TRPM8: variants seen among roughly 807,000 people sequenced by gnomAD.
TRPM8 encodes TRPM8 cationic channel.
A neutral mutation model predicts 133.7 loss-of-function variants in TRPM8; 110 were observed. The ratio of observed to expected loss-of-function variants is 0.82; its 90% CI spans 0.70 to 0.96. The LOEUF (loss-of-function observed/expected upper bound fraction) is 0.96. Ranked by LOEUF, TRPM8 falls within the 40% of genes least tolerant of loss-of-function variation. The pLI is 0.00. For synonymous variants in TRPM8, 535 were observed against 532.3 expected (o/e 1.01, Z -0.07); for missense variants, 1,291 against 1,379.5 (o/e 0.94, Z 1.02).
rs897159839 is a variant in TRPM8 at position 233,996,435 on chromosome 2, G to A, written c.3049G>A (p.Val1017Ile). ...CCTCAATATCCCCTTCCCCTTCATC[G>A]TCTTCGCTTACTTCTACATGGTGGT... ...SRLNIPFPFI[V>I]FAYFYMVVKK... Residue 1017 changes from valine (V) to isoleucine (I), a missense_variant, in exon 22 of 26, where the codon GTC becomes ATC. By Grantham distance (29) the Val-to-Ile change is conservative. Coordinates refer to ENST00000324695, the MANE Select transcript of TRPM8 (RefSeq NM_024080.5). The A allele has an allele frequency of 2.5e-6, 4 of 1,614,106 alleles. No homozygotes were observed. The highest frequency in any genetic ancestry group is 2.5e-6 in the Non-Finnish European group (3 of 1,180,026).
intron 22 of TRPM8, among the ~76,000 whole-genome samples, chr2:233,999,764 G>A (rs1393352719): frequency 2.6e-5 from 4 of 152,186 alleles, no homozygotes; most frequent in Admixed American, 6.5e-5. Context: ...GCAGTCCCAC[G>A]TTATCTTTGA....
Position 233,989,268 on chromosome 2 carries a change from G to A in TRPM8, c.2939+3403G>A, listed in dbSNP as rs1396443374. ...CCTCGTCTGTCACTTTCAGGTGAAGGAGATGAAGTCCCAGCAGCTCAGCGT... is the reference window on the plus strand; with the variant it reads ...CCTCGTCTGTCACTTTCAGGTGAAGAAGATGAAGTCCCAGCAGCTCAGCGT... On this transcript the variant is annotated intron_variant, in intron 21 of 25. Transcript: ENST00000324695. The surrounding 1 kb of genome is among the most constrained non-coding windows in gnomAD (Gnocchi z 4.2). Among the ~76,000 whole-genome samples, 1 of 152,178 alleles carries A rather than the reference G, an allele frequency of 6.6e-6. No homozygotes were observed. The highest frequency in any genetic ancestry group is 1.5e-5 in the Non-Finnish European group (1 of 68,028).
At chr2:233,988,235 G>A (rs1456269169) in intron 21 of TRPM8, among the ~76,000 whole-genome samples, 1 of 151,978 alleles carries the variant, frequency 6.6e-6, no homozygotes, top group African/African-American at 2.4e-5. Context: ...CTTGTCCTCT[G>A]TCTGGATTGC....
At chr2:233,996,285 T>C (rs763847231) in intron 21 of TRPM8, 41 bp from the exon 22 acceptor site, 19 of 1,588,892 alleles carry the variant, frequency 1.2e-5, no homozygotes, top group Middle Eastern at 1.8e-4. Flanking sequence ...CGATGAGGCA[T>C]GCGCAATGCT....
chr2:233,943,030 C>A, intron 6 of TRPM8: 17 of 426,006 alleles, frequency 4.0e-5, no homozygotes, highest in Non-Finnish European at 4.7e-5. Context: ...CTATGGCTTA[C>A]ATCCATCTCA....
At chr2:233,970,154 C>T (rs982155003) in intron 16 of TRPM8, 56 bp from the exon 17 acceptor site, 6 of 1,448,642 alleles carry the variant, frequency 4.1e-6, no homozygotes, top group Non-Finnish European at 5.8e-6. Context: ...GAGGGGAGGG[C>T]TGTGCCCGTC....
chr2:233,937,544 A>G (rs749028242), intron 4 of TRPM8, 35 bp downstream of exon 4: 3 of 1,593,074 alleles, frequency 1.9e-6, no homozygotes, highest in Non-Finnish European at 2.6e-6. Flanking sequence ...CAGCTAATTC[A>G]TAGGCCAAAG....
rs1048183938 is a variant in TRPM8, at chr2:234,018,840, G to A, written c.*1584G>A. 1.2e-4 allele frequency: 9 copies of A among 72,452 alleles called. No homozygotes were observed. The highest frequency in any genetic ancestry group is 8.1e-5 in the African/African-American group (1 of 12,308). 4.5% of individuals were successfully genotyped at this position (72,452 alleles called of 1,614,324 possible). The stretch of plus-strand genomic sequence containing the variant: ...AGCCGGGGTGACAGAGTGAGACTCC[G>A]ACTGAAAATAAATAAATAAATAAAT... On this transcript the variant is annotated 3_prime_UTR_variant, in exon 26 of 26. Coordinates refer to ENST00000324695, the MANE Select transcript of TRPM8 (RefSeq NM_024080.5).
chr2:233,961,045 C>T lies in TRPM8; in HGVS notation c.1632C>T (p.Asp544=), dbSNP rs142882642. Reference sequence around the variant, plus strand: ...GGAAGGAAGACAGAAATGGCCGGGACGAGATGGACATAGAACTCCACGTAG... The same window carrying T: ...GGAAGGAAGACAGAAATGGCCGGGATGAGATGGACATAGAACTCCACGTAG... ...GFRKEDRNGR[D]EMDIELHDVS... The change falls in exon 12 of 26, where the codon GAC becomes GAT. Residue 544 remains aspartate (D), a synonymous_variant. Transcript: ENST00000324695. 5.3e-5 allele frequency: 86 copies of T among 1,614,016 alleles called. No homozygotes were observed. Among genetic ancestry groups the T allele is most frequent in the Admixed American group, 2.3e-4 (14 of 60,022 alleles).
At chr2:234,014,075 T>A (rs1487537125) in intron 24 of TRPM8, among the ~76,000 whole-genome samples, 1 of 152,190 alleles carries the variant, frequency 6.6e-6, no homozygotes, top group Admixed American at 6.5e-5. Context: ...AATTTCATTA[T>A]GCCTCTTACT....
At chr2:233,983,018 G>C (rs200781961) in intron 19 of TRPM8, 35 bp from the exon 20 acceptor site, 9 of 1,590,982 alleles carry the variant, frequency 5.7e-6, no homozygotes, top group East Asian at 2.3e-5. Flanking sequence ...CTGTGGGCAC[G>C]GTCCTGACTC....
chr2:233,955,751 C>G (rs944466233), intron 11 of TRPM8, among the ~76,000 whole-genome samples: 2 of 152,184 alleles, frequency 1.3e-5, no homozygotes, highest in Admixed American at 1.3e-4. Context: ...CAGTGAACGT[C>G]TTAGAGCAGG....
At chr2:233,925,839 G>A (rs1691503427) in intron 1 of TRPM8, among the ~76,000 whole-genome samples, 1 of 152,138 alleles carries the variant, frequency 6.6e-6, no homozygotes, top group Admixed American at 6.5e-5. Context: ...GACTTTGGGA[G>A]ACGAGGGGAG....
At chr2:234,008,019 C>G (rs1022836381) in intron 23 of TRPM8, 51 bp from the exon 24 acceptor site, 5 of 1,583,274 alleles carry the variant, frequency 3.2e-6, no homozygotes, top group Admixed American at 1.8e-5. Flanking sequence ...ATAGCCCTCT[C>G]TCAATCTGTT....
rs1159158616 is a variant in TRPM8, at chr2:233,960,777, C to T, written c.1364C>T (p.Ser455Phe). Reference protein sequence around the residue: ...EIFTNDRRWESADLQEVMFTA... With the variant: ...EIFTNDRRWEFADLQEVMFTA... ...ACTGTCTCTGTTCTTTCTCCTTAGTCTGCTGACCTTCAAGAAGTCATGTTT... is the reference window on the plus strand; with the variant it reads ...ACTGTCTCTGTTCTTTCTCCTTAGTTTGCTGACCTTCAAGAAGTCATGTTT... The change falls in exon 12 of 26, where the codon TCT (serine) becomes TTT (phenylalanine). Residue 455 changes from serine (S) to phenylalanine (F), a missense_variant and splice_region_variant. By Grantham distance (155) the Ser-to-Phe change is radical. Transcript: ENST00000324695. The T allele has an allele frequency of 6.2e-7, 1 of 1,613,504 alleles. No individual in the cohort carries two copies. The highest frequency in any genetic ancestry group is 8.5e-7 in the Non-Finnish European group (1 of 1,179,520).
chr2:233,999,357 C>A (rs1400991761), intron 22 of TRPM8, among the ~76,000 whole-genome samples: 1 of 151,108 alleles, frequency 6.6e-6, no homozygotes, highest in Non-Finnish European at 1.5e-5. Context: ...CTGCAAGGCC[C>A]CTGAGGCTGT....
chr2:234,014,744 T>A, intron 25 of TRPM8, 90 bp downstream of exon 25: 1 of 508,042 alleles, frequency 2.0e-6, no homozygotes, highest in Non-Finnish European at 3.4e-6. Flanking sequence ...TCAGTTATTT[T>A]ATTTCCATAA....
chr2:233,942,649 C>T lies in TRPM8; in HGVS notation c.600C>T (p.Thr200=). The T allele has an allele frequency of 6.2e-7, 1 of 1,614,178 alleles. No homozygotes were observed. Residue 200 remains threonine, a synonymous_variant, in exon 6 of 26, where the codon ACC becomes ACT. Coordinates refer to ENST00000324695, the MANE Select transcript of TRPM8 (RefSeq NM_024080.5). The part of the protein sequence containing the change: ...KYIGEVVRDN[T]ISRSSEENIV... ...TCGGGGAGGTGGTGAGAGATAACAC[C>T]ATCAGCAGGAGTTCAGAGGAGAATA...
At chr2:233,967,276 AG>A (rs1311708088) in intron 15 of TRPM8, among the ~76,000 whole-genome samples, 6 of 152,218 alleles carry the variant, frequency 3.9e-5, no homozygotes, top group Admixed American at 1.3e-4. Flanking sequence ...AGCTGTCTAG[AG>A]GCTTTCTGCA....
Sources: allele counts gnomAD v4.1 joint callset (sites outside exome capture counted in the v4.1 genomes callset), GRCh38; gene constraint gnomAD v4.1.1; non-coding constraint Gnocchi (gnomAD v3.1); transcripts MANE v1.5; gene names NCBI Gene and HGNC (gene_info 2026-07-23, HGNC 2026-07-21).